Variants in IQANK1 observed in about 807,000 individuals in gnomAD.
IQANK1 encodes the protein IQ motif and ankyrin repeat containing 1.
A neutral mutation model predicts 22.6 loss-of-function variants in IQANK1; 30 were observed. The ratio of observed to expected loss-of-function variants is 1.33; its 90% CI spans 0.99 to 1.80. The LOEUF is 1.80. Among genes scored for constraint, IQANK1 ranks in the 40% most tolerant of loss-of-function variants. The pLI, the probability that IQANK1 is intolerant of heterozygous loss-of-function variation, is 0.00. For synonymous variants in IQANK1, 122 were observed against 99.6 expected (o/e 1.23, Z -1.34); for missense variants, 275 against 235.2 (o/e 1.17, Z -1.11).
intron 2 of IQANK1, among the ~76,000 whole-genome samples, chr8:143,738,007 T>C (rs900161053): frequency 6.6e-6 from 1 of 152,142 alleles, no homozygotes; most frequent in Non-Finnish European, 1.5e-5. Context: ...CCGGCACCGG[T>C]CTCGAGGCTG....
At chr8:143,742,571 G>A (rs564747959) in intron 3 of IQANK1, 4 of 456,092 alleles carry the variant, frequency 8.8e-6, no homozygotes, top group African/African-American at 2.0e-5. Flanking sequence ...GCTGCCCAGG[G>A]GTGTGATGTG....
intron 3 of IQANK1, chr8:143,745,539 C>T (rs1819011820): frequency 6.6e-6 from 1 of 152,410 alleles, no homozygotes. Flanking sequence ...TCTCTTGCCT[C>T]AGCCTCCCAG....
chr8:143,738,283 C>T (rs1389109530), intron 2 of IQANK1, among the ~76,000 whole-genome samples: 1 of 152,212 alleles, frequency 6.6e-6, no homozygotes, highest in Non-Finnish European at 1.5e-5. Context: ...CCCCAGGGGC[C>T]CTGGCTCATG....
In IQANK1 at chr8:143,790,391, T is replaced by C. The variant is rs1275491635; in HGVS notation, c.1466T>C (p.Leu489Pro). The C allele has an allele frequency of 4.3e-6, 4 of 923,370 alleles. No individual in the cohort carries two copies. The African/African-American group carries it at 6.9e-5, about 16-fold the overall frequency. The allele number at this position is 923,370 out of a possible 1,614,324, so 57.2% of individuals were successfully genotyped here. A position where few individuals can be genotyped will look rare whatever the true frequency, so the allele number is the denominator to read the frequency against. The change falls in exon 14 of 14, where the codon CTG becomes CCG. Residue 489 changes from leucine (L) to proline (P), a missense_variant. Coordinates refer to ENST00000527139, the MANE Select transcript of IQANK1 (RefSeq NM_001381874.1). ...PLVFDLREED[L>P]FPVVQRQLEA... ...GTGTTCGACCTGCGAGAGGAAGACCTGTTCCCAGTCGTGCAGCGGCAGCTG... is the reference window on the plus strand; with the variant it reads ...GTGTTCGACCTGCGAGAGGAAGACCCGTTCCCAGTCGTGCAGCGGCAGCTG...
intron 7 of IQANK1, among the ~76,000 whole-genome samples, chr8:143,786,430 A>G (rs1434237504): frequency 6.6e-6 from 1 of 152,252 alleles, no homozygotes; most frequent in African/African-American, 2.4e-5. Context: ...TTGCAAATTT[A>G]TATTTACAAA....
At chr8:143,742,847 G>T in intron 3 of IQANK1, 1 of 456,138 alleles carries the variant, frequency 2.2e-6, no homozygotes, top group Non-Finnish European at 4.4e-6. Flanking sequence ...AACATGGCCT[G>T]TGCTGCTGTC....
At chr8:143,754,789 C>T (rs7463042) in intron 3 of IQANK1, among the ~76,000 whole-genome samples, 1 of 152,086 alleles carries the variant, frequency 6.6e-6, no homozygotes, top group Non-Finnish European at 1.5e-5. Flanking sequence ...CCACGCCCGG[C>T]TAATTTTTTT....
intron 3 of IQANK1, among the ~76,000 whole-genome samples, chr8:143,763,145 A>G (rs2129881193): frequency 6.6e-6 from 1 of 152,100 alleles, no homozygotes; most frequent in East Asian, 1.9e-4. Flanking sequence ...CCCCCTGAGT[A>G]GCTGGGATTA....
At chr8:143,766,933 G>A (rs1819491917) in intron 3 of IQANK1, among the ~76,000 whole-genome samples, 1 of 152,212 alleles carries the variant, frequency 6.6e-6, no homozygotes. Context: ...ACCACTGACT[G>A]AAATCTCTAT....
At position 143,790,621 on chromosome 8, in the gene IQANK1, T is replaced by G. The variant is rs1186658316; in HGVS notation, c.*13T>G. The G allele has an allele frequency of 5.0e-6, 2 of 398,630 alleles. No homozygotes were observed. The highest frequency in any genetic ancestry group is 8.8e-6 in the Non-Finnish European group (2 of 226,066). The allele number at this position is 398,630 out of a possible 1,614,324, so 24.7% of individuals were successfully genotyped here. ...CACAGGCCTCTAGTGCTGGCCCCAG[T>G]CCCAATAAAACGTGTGCCCCGGGGC... On this transcript the variant is annotated 3_prime_UTR_variant, in exon 14 of 14. Transcript: ENST00000527139.
intron 3 of IQANK1, chr8:143,759,575 T>A (rs1819356661): frequency 6.6e-6 from 1 of 152,256 alleles, no homozygotes; most frequent in Non-Finnish European, 1.5e-5. Flanking sequence ...CATGTCAATT[T>A]GCTCTGGAAA....
At chr8:143,782,392 T>C (rs917662255) in intron 7 of IQANK1, among the ~76,000 whole-genome samples, 8 of 152,220 alleles carry the variant, frequency 5.3e-5, no homozygotes, top group African/African-American at 1.7e-4. Flanking sequence ...TGTGCCAGTT[T>C]TCAAGGGGAA....
chr8:143,735,546 T>C lies in IQANK1; in HGVS notation c.-4-304T>C, dbSNP rs1335436263. 6.6e-6 allele frequency among the ~76,000 whole-genome samples: 1 copy of C among 151,484 alleles called. No homozygotes were observed. The highest frequency in any genetic ancestry group is 1.5e-5 in the Non-Finnish European group (1 of 67,868). Reference sequence around the variant, plus strand: ...CAGCAGCTTGGGGCAGGGAGAAGAGTGCTAGACTCCAGATCCTGCGCCCGG... The same window carrying C: ...CAGCAGCTTGGGGCAGGGAGAAGAGCGCTAGACTCCAGATCCTGCGCCCGG... On this transcript the variant is annotated intron_variant, in intron 1 of 13. Coordinates refer to ENST00000527139, the MANE Select transcript of IQANK1 (RefSeq NM_001381874.1). This position sits in a 1 kb window ranked among gnomAD's most constrained non-coding sequence, Gnocchi z 5.2.
chr8:143,750,305 T>C (rs1819165400), intron 3 of IQANK1, among the ~76,000 whole-genome samples: 1 of 152,206 alleles, frequency 6.6e-6, no homozygotes, highest in Non-Finnish European at 1.5e-5. Flanking sequence ...ACCTCCCTTG[T>C]GAACTTTTTT....
chr8:143,738,144 C>T (rs1315950208), intron 2 of IQANK1, among the ~76,000 whole-genome samples: 1 of 152,134 alleles, frequency 6.6e-6, no homozygotes, highest in African/African-American at 2.4e-5. Context: ...GGCGGGGGCT[C>T]GACCTCAGGG....
chr8:143,779,662 G>A (rs554456533), intron 7 of IQANK1, among the ~76,000 whole-genome samples: 17 of 151,900 alleles, frequency 1.1e-4, no homozygotes, highest in African/African-American at 2.2e-4. Flanking sequence ...TTCATTTTCC[G>A]TCTACTCCAG....
intron 7 of IQANK1, among the ~76,000 whole-genome samples, chr8:143,781,013 C>G (rs1335617077): frequency 6.6e-6 from 1 of 152,146 alleles, no homozygotes; most frequent in Non-Finnish European, 1.5e-5. Context: ...TTTATAGTAG[C>G]CATTCTGGCT....
chr8:143,761,656 G>A (rs576073082), intron 3 of IQANK1, among the ~76,000 whole-genome samples: 4 of 152,218 alleles, frequency 2.6e-5, no homozygotes, highest in South Asian at 4.1e-4. Context: ...CAGCTACTCC[G>A]GAGGCTGAGG....
At chr8:143,763,175 CT>C (rs1166106358) in intron 3 of IQANK1, among the ~76,000 whole-genome samples, 1 of 152,110 alleles carries the variant, frequency 6.6e-6, no homozygotes, top group Non-Finnish European at 1.5e-5. Context: ...GCCACCACGC[CT>C]GGCTAATTTT....
Sources: gnomAD v4.1 joint callset for allele counts (sites outside exome capture counted in the v4.1 genomes callset) on GRCh38, gnomAD v4.1.1 for gene constraint, Gnocchi (gnomAD v3.1) non-coding constraint, MANE v1.5 for transcripts, NCBI Gene and HGNC (gene_info 2026-07-23, HGNC 2026-07-21) for gene names.